The following FUBP3 variants were observed in gnomAD, a reference collection of about 807,000 sequenced individuals.
FUBP3 encodes the protein far upstream element binding protein 3.
In FUBP3, 28 loss-of-function variants were observed where a neutral mutation model predicts 85.6. That is an observed-to-expected ratio of 0.33 (90% CI 0.24 to 0.45). The LOEUF is 0.45. Among genes scored for constraint, FUBP3 ranks in the 20% least tolerant of loss-of-function variants. FUBP3 has a pLI of 1.00. For synonymous variants in FUBP3, 271 were observed against 271.4 expected, an observed-to-expected ratio of 1.00 and a Z score of 0.01; for missense variants, 583 against 755.1, an observed-to-expected ratio of 0.77 and a Z score of 2.67.
At chr9:130,594,020 CCTT>C (rs146625553) in intron 1 of FUBP3, among the ~76,000 whole-genome samples, 10,382 of 152,228 alleles carry the variant, frequency 0.068, 433 homozygotes, top group African/African-American at 0.12. Context: ...CTGCAGGAAT[CCTT>C]CTGAGATTGT....
chr9:130,594,997 G>A lies in FUBP3; in HGVS notation c.85-486G>A, dbSNP rs144073631. On this transcript the variant is annotated intron_variant, in intron 1 of 18. Transcript: ENST00000319725. ...ATCCCAGCACTTTGAGAGGCCAAGGGGGGCAGATCACCCGAGGTTGGGCGT... is the reference window on the plus strand; with the variant it reads ...ATCCCAGCACTTTGAGAGGCCAAGGAGGGCAGATCACCCGAGGTTGGGCGT... Among the ~76,000 whole-genome samples, 294 of 151,908 alleles carry A rather than the reference G, an allele frequency of 1.9e-3. 1 individual carries two copies. Among genetic ancestry groups the A allele is most frequent in the Admixed American group, 3.9e-3 (60 of 15,250 alleles).
chr9:130,623,598 C>G lies in FUBP3; in HGVS notation c.875-13C>G. ...GGCTTTTTTCTAATCCTGTCTCTCACCTGGCTCCTCAGATGATGGGATTAG... is the reference window on the plus strand; with the variant it reads ...GGCTTTTTTCTAATCCTGTCTCTCAGCTGGCTCCTCAGATGATGGGATTAG... On this transcript the variant is annotated splice_polypyrimidine_tract_variant and intron_variant, in intron 10 of 18. Coordinates refer to ENST00000319725, the MANE Select transcript of FUBP3 (RefSeq NM_003934.2). 6.4e-7 allele frequency: 1 copy of G among 1,556,206 alleles called. No individual in the cohort carries two copies. Among genetic ancestry groups the G allele is most frequent in the Non-Finnish European group, 8.9e-7 (1 of 1,127,660 alleles).
chr9:130,616,555 G>C lies in FUBP3; in HGVS notation c.567+38G>C. 6.2e-7 allele frequency: 1 copy of C among 1,601,436 alleles called. No homozygotes were observed. ...GGAGCACGGAGCACAGCGGCCGCTC[G>C]CAGCAGGTCTTCAGCTTCCTGGCCC... On this transcript the variant is annotated intron_variant, in intron 7 of 18. Coordinates refer to ENST00000319725, the MANE Select transcript of FUBP3 (RefSeq NM_003934.2). The surrounding 1 kb of genome is among the most constrained non-coding windows in gnomAD (Gnocchi z 4.7).
chr9:130,579,790 G>T, intron 1 of FUBP3, 26 bp downstream of exon 1: 5 of 1,248,330 alleles, frequency 4.0e-6, no homozygotes, highest in Non-Finnish European at 5.1e-6. Flanking sequence ...GCTGGCAGGA[G>T]CACGAGATCC....
rs965425387 is a variant in FUBP3, at chr9:130,637,687, T to A, written c.*665T>A. The A allele has an allele frequency of 6.6e-6, 1 of 152,434 alleles. No individual in the cohort carries two copies. Among genetic ancestry groups the A allele is most frequent in the South Asian group, 2.1e-4 (1 of 4,832 alleles). The allele number at this position is 152,434 out of a possible 1,614,324, so 9.4% of individuals were successfully genotyped here. On this transcript the variant is annotated 3_prime_UTR_variant, in exon 19 of 19. Coordinates refer to ENST00000319725, the MANE Select transcript of FUBP3 (RefSeq NM_003934.2). ...GGGGTAATATAAAAATGTGCTCGTG[T>A]GTTTAGCCTACGTTTTTCTCATGCC... is the stretch of plus-strand genomic sequence containing the variant.
chr9:130,632,337 C>G (rs996682441), intron 16 of FUBP3, 59 bp downstream of exon 16: 11 of 1,345,284 alleles, frequency 8.2e-6, no homozygotes, highest in Non-Finnish European at 1.1e-5. Flanking sequence ...CCACAGAAGT[C>G]CTGGGGCCAA....
chr9:130,624,333 C>G (rs937297800), intron 11 of FUBP3, among the ~76,000 whole-genome samples: 7 of 152,206 alleles, frequency 4.6e-5, no homozygotes, highest in African/African-American at 7.2e-5. Context: ...TGCTTTGCAC[C>G]AGGCAGTGCT....
chr9:130,603,455 C>G (rs1301408807), intron 2 of FUBP3, among the ~76,000 whole-genome samples: 2 of 152,082 alleles, frequency 1.3e-5, no homozygotes, highest in Non-Finnish European at 2.9e-5. Context: ...CCTCAGCCAC[C>G]TGCATTTGTT....
At chr9:130,595,927 G>A (rs1360711558) in intron 2 of FUBP3, among the ~76,000 whole-genome samples, 1 of 152,178 alleles carries the variant, frequency 6.6e-6, no homozygotes. Flanking sequence ...TTTCTCCACA[G>A]AAAAGCTACG....
chr9:130,626,338 TCGCTACAGCC>T lies in FUBP3; in HGVS notation c.976-24_976-15del. On this transcript the variant is annotated splice_polypyrimidine_tract_variant and intron_variant, in intron 11 of 18. Transcript: ENST00000319725. ...AGTGGTGCTGTGGCAGTGGCAGAGG[TCGCTACAGCC>T]CTGTGATCTTTCCAGGAAAGAGACG... 6.3e-7 allele frequency: 1 copy of T among 1,598,130 alleles called. No homozygotes were observed. Among genetic ancestry groups the T allele is most frequent in the Non-Finnish European group, 8.5e-7 (1 of 1,172,164 alleles).
intron 2 of FUBP3, among the ~76,000 whole-genome samples, chr9:130,603,092 A>G (rs982126283): frequency 5.3e-5 from 8 of 152,128 alleles, no homozygotes; most frequent in African/African-American, 1.9e-4. Context: ...CACGCCTGTA[A>G]TCCCAGCACT....
intron 1 of FUBP3, among the ~76,000 whole-genome samples, chr9:130,588,251 CA>C (rs1830439060): frequency 6.6e-6 from 1 of 152,170 alleles, no homozygotes; most frequent in Non-Finnish European, 1.5e-5. Flanking sequence ...TGGCTTTGGA[CA>C]AGTTATTTAA....
rs902102240 is a variant in FUBP3 at position 130,612,333 on chromosome 9, A to G, written c.225-123A>G. The G allele has an allele frequency of 9.2e-6, 6 of 648,964 alleles. No individual in the cohort carries two copies. Among genetic ancestry groups the G allele is most frequent in the Non-Finnish European group, 1.4e-5 (5 of 362,142 alleles). 40.2% of individuals were successfully genotyped at this position (648,964 alleles called of 1,614,324 possible). A position where few individuals can be genotyped will look rare whatever the true frequency, so the allele number is the denominator to read the frequency against. On this transcript the variant is annotated intron_variant, in intron 3 of 18. Transcript: ENST00000319725. The surrounding 1 kb of genome is among the most constrained non-coding windows in gnomAD (Gnocchi z 4.1). ...TAGGTGGTGGTGGATTTGTTGGCCA[A>G]ATTGGCCTGATGTATTTTAAGCTTT...
intron 1 of FUBP3, among the ~76,000 whole-genome samples, 192 bp from the exon 2 acceptor site, chr9:130,595,291 A>G (rs1830816984): frequency 6.6e-6 from 1 of 152,056 alleles, no homozygotes; most frequent in East Asian, 1.9e-4. Flanking sequence ...AGTACTAAAG[A>G]CAAGTTATTA....
chr9:130,630,624 G>C lies in FUBP3; in HGVS notation c.1118-4G>C, dbSNP rs151229696. On this transcript the variant is annotated splice_polypyrimidine_tract_variant and splice_region_variant and intron_variant, in intron 12 of 18. Transcript: ENST00000319725. ...CTCTTCTGCCTGTGTTGTGCTGTCC[G>C]CAGGGGGTGAGAACATCAAAAGCAT... 52 of 1,590,170 alleles carry C rather than the reference G, an allele frequency of 3.3e-5. No individual in the cohort carries two copies. Among genetic ancestry groups the C allele is most frequent in the Non-Finnish European group, 4.1e-5 (48 of 1,169,094 alleles).
At chr9:130,605,511 AGT>A (rs1831380391) in intron 2 of FUBP3, among the ~76,000 whole-genome samples, 1 of 152,248 alleles carries the variant, frequency 6.6e-6, no homozygotes, top group African/African-American at 2.4e-5. Flanking sequence ...GCTTGGGTGC[AGT>A]GTGATCGCAC....
intron 1 of FUBP3, among the ~76,000 whole-genome samples, chr9:130,592,347 G>A (rs977491227): frequency 6.6e-6 from 1 of 152,180 alleles, no homozygotes; most frequent in African/African-American, 2.4e-5. Context: ...TGAGTCAAGA[G>A]TCTCACTCTG....
rs1401240705 is a variant in FUBP3 at position 130,579,696 on chromosome 9, C to T, written c.16C>T (p.Gln6Ter). 1 of 1,261,922 alleles carries T rather than the reference C, an allele frequency of 7.9e-7. No individual in the cohort carries two copies. The highest frequency in any genetic ancestry group is 1.0e-6 in the Non-Finnish European group (1 of 1,001,086). The allele number at this position is 1,261,922 out of a possible 1,614,324, so 78.2% of individuals were successfully genotyped here. Residue 6 changes from glutamine to a stop codon, truncating the protein, a stop_gained, in exon 1 of 19, where the codon CAG becomes TAG. Coordinates refer to ENST00000319725, the MANE Select transcript of FUBP3 (RefSeq NM_003934.2). LOFTEE classifies it high-confidence loss of function. MAELV[Q>*]GQSAPVGMKA... ...GGGGGCGGTAATGGCGGAGCTGGTG[C>T]AGGGGCAGAGCGCTCCTGTGGGGAT...
At chr9:130,601,287 A>G (rs1193090559) in intron 2 of FUBP3, among the ~76,000 whole-genome samples, 1 of 152,242 alleles carries the variant, frequency 6.6e-6, no homozygotes, top group Non-Finnish European at 1.5e-5. Context: ...ACCTGAAACA[A>G]GTGCTTTCTC....
Sources: gnomAD v4.1 joint callset for allele counts (sites outside exome capture counted in the v4.1 genomes callset) on GRCh38, gnomAD v4.1.1 for gene constraint, Gnocchi (gnomAD v3.1) non-coding constraint, MANE v1.5 for transcripts, NCBI Gene and HGNC (gene_info 2026-07-23, HGNC 2026-07-21) for gene names.